Variants in PLCB1 observed in about 807,000 individuals in gnomAD.
PLCB1 encodes phospholipase C beta 1.
In PLCB1, 46 loss-of-function variants were observed where a neutral mutation model predicts 161.8. That is an observed-to-expected ratio of 0.28 (90% confidence interval 0.22 to 0.36). The LOEUF (loss-of-function observed/expected upper bound fraction) is 0.36. Among genes scored for constraint, PLCB1 ranks in the 10% least tolerant of loss-of-function variants. PLCB1 has a pLI of 1.00. For synonymous variants in PLCB1, 517 were observed against 503.7 expected (o/e 1.03, Z -0.35); for missense variants, 1,016 against 1,472.5 (o/e 0.69, Z 5.07).
intron 12 of PLCB1, among the ~76,000 whole-genome samples, chr20:8,709,627 T>C (rs1978882932): frequency 6.6e-6 from 1 of 152,292 alleles, no homozygotes; most frequent in South Asian, 2.1e-4. Context: ...ATTCTCTAAT[T>C]CTTAAAGAGT....
chr20:8,266,467 TTTC>T (rs1419415287), intron 2 of PLCB1, among the ~76,000 whole-genome samples: 3 of 152,322 alleles, frequency 2.0e-5, no homozygotes, highest in Admixed American at 2.0e-4. Flanking sequence ...TCAGGCATCA[TTTC>T]TTCTTGAATC....
At chr20:8,183,073 A>G (rs2051863785) in intron 2 of PLCB1, among the ~76,000 whole-genome samples, 1 of 152,150 alleles carries the variant, frequency 6.6e-6, no homozygotes, top group Non-Finnish European at 1.5e-5. Flanking sequence ...TCCCATACAC[A>G]CATGAGCAAA....
intron 31 of PLCB1, among the ~76,000 whole-genome samples, chr20:8,852,146 ATTAT>A (rs1258018818): frequency 6.6e-6 from 1 of 152,164 alleles, no homozygotes; most frequent in Non-Finnish European, 1.5e-5. Flanking sequence ...CTGCCTCCTA[ATTAT>A]TCTGTCATTT....
chr20:8,592,364 AT>A (rs1987174980), intron 3 of PLCB1, among the ~76,000 whole-genome samples: 1 of 152,254 alleles, frequency 6.6e-6, no homozygotes. Context: ...CCATAGAGGT[AT>A]CTGTAGGCCT....
At chr20:8,482,719 T>C (rs1283626873) in intron 3 of PLCB1, among the ~76,000 whole-genome samples, 1 of 152,096 alleles carries the variant, frequency 6.6e-6, no homozygotes, top group African/African-American at 2.4e-5. Context: ...AAGGACGCAA[T>C]TTTATAGATT....
chr20:8,217,455 G>T (rs1200549065), intron 2 of PLCB1, among the ~76,000 whole-genome samples: 1 of 152,082 alleles, frequency 6.6e-6, no homozygotes, highest in Non-Finnish European at 1.5e-5. Context: ...GAAGGAGGGA[G>T]GACAGAGGAA....
intron 3 of PLCB1, chr20:8,600,802 G>A (rs1355061951): frequency 6.6e-6 from 1 of 152,004 alleles, no homozygotes; most frequent in East Asian, 1.9e-4. Context: ...TAATCTCCTG[G>A]TGCGCCGTTT....
intron 3 of PLCB1, among the ~76,000 whole-genome samples, chr20:8,601,777 A>G (rs546657492): frequency 4.6e-5 from 7 of 152,292 alleles, no homozygotes; most frequent in Non-Finnish European, 8.8e-5. Context: ...AGATGGATTA[A>G]TGTTTGCTAG....
intron 2 of PLCB1, among the ~76,000 whole-genome samples, chr20:8,152,954 G>A (rs1242351770): frequency 6.6e-6 from 1 of 152,096 alleles, no homozygotes; most frequent in African/African-American, 2.4e-5. Context: ...TCCGTCTCTT[G>A]TCATGGCTAC....
intron 2 of PLCB1, among the ~76,000 whole-genome samples, chr20:8,209,849 T>C (rs1357005427): frequency 6.6e-6 from 1 of 152,146 alleles, no homozygotes; most frequent in Non-Finnish European, 1.5e-5. Flanking sequence ...TTATACACTT[T>C]AGCCACTTCA....
At chr20:8,307,565 T>G (rs1984189512) in intron 2 of PLCB1, among the ~76,000 whole-genome samples, 1 of 152,046 alleles carries the variant, frequency 6.6e-6, no homozygotes, top group South Asian at 2.1e-4. Context: ...TTTGGTGGGT[T>G]TTTTATTTTT....
At chr20:8,644,887 G>T (rs982695169) in intron 4 of PLCB1, among the ~76,000 whole-genome samples, 1 of 152,168 alleles carries the variant, frequency 6.6e-6, no homozygotes, top group African/African-American at 2.4e-5. Flanking sequence ...GAATAGAAAG[G>T]GGGGAAAGGT....
chr20:8,525,412 T>C (rs1984544389), intron 3 of PLCB1, among the ~76,000 whole-genome samples: 1 of 152,204 alleles, frequency 6.6e-6, no homozygotes, highest in Admixed American at 6.6e-5. Context: ...TCTGTCAGCA[T>C]GGCAATATTC....
intron 2 of PLCB1, among the ~76,000 whole-genome samples, chr20:8,164,823 A>G (rs2051659518): frequency 1.3e-5 from 2 of 152,228 alleles, no homozygotes; most frequent in African/African-American, 4.8e-5. Context: ...TAATGATGTC[A>G]TTTGAGATAC....
intron 3 of PLCB1, among the ~76,000 whole-genome samples, chr20:8,489,488 A>AT (rs150387225): frequency 0.011 from 1,615 of 152,354 alleles, 15 homozygotes; most frequent in Non-Finnish European, 0.016. Context: ...TGTGAAAAGC[A>AT]TAACTTGGCT....
intron 10 of PLCB1, among the ~76,000 whole-genome samples, chr20:8,686,927 G>A (rs1484243056): frequency 6.6e-6 from 1 of 152,104 alleles, no homozygotes; most frequent in Non-Finnish European, 1.5e-5. Context: ...TGCCTGGACT[G>A]TTTCAGTGAA....
intron 2 of PLCB1, among the ~76,000 whole-genome samples, chr20:8,152,210 TC>T (rs1211846702): frequency 6.6e-6 from 1 of 152,160 alleles, no homozygotes; most frequent in Non-Finnish European, 1.5e-5. Flanking sequence ...AATGCCAAAG[TC>T]ATCTCTCAGT....
At chr20:8,232,028 A>G (rs1344503639) in intron 2 of PLCB1, among the ~76,000 whole-genome samples, 1 of 152,134 alleles carries the variant, frequency 6.6e-6, no homozygotes, top group Non-Finnish European at 1.5e-5. Context: ...TGGTTTCAGA[A>G]TTTGGAAGAA....
chr20:8,251,979 G>T (rs1201062236), intron 2 of PLCB1, among the ~76,000 whole-genome samples: 1 of 151,926 alleles, frequency 6.6e-6, no homozygotes, highest in African/African-American at 2.4e-5. Flanking sequence ...TCTTTGAAAA[G>T]GTAGGAAGCC....
Sources: allele counts gnomAD v4.1 joint callset (sites outside exome capture counted in the v4.1 genomes callset), GRCh38; gene constraint gnomAD v4.1.1; transcripts MANE v1.5; gene names NCBI Gene and HGNC (gene_info 2026-07-23, HGNC 2026-07-21).